SPAG16: variants seen among roughly 807,000 people sequenced by gnomAD.
SPAG16 encodes the protein sperm-associated antigen 16 protein.
A neutral mutation model predicts 80.4 loss-of-function variants in SPAG16; 86 were observed. The observed-to-expected ratio is 1.07, with a 90% CI of 0.90 to 1.28. The LOEUF (loss-of-function observed/expected upper bound fraction) is 1.28. Ranked by LOEUF, SPAG16 falls within the 50% of genes most tolerant of loss-of-function variation. The probability of loss-of-function intolerance (pLI) is 0.00; values close to 1 mark genes in which losing one functional copy is unlikely to be tolerated. For synonymous variants in SPAG16, 294 were observed against 265.9 expected (o/e 1.11, Z -1.03); for missense variants, 870 against 765.3 (o/e 1.14, Z -1.61).
chr2:214,239,662 G>T (rs1689327811), intron 15 of SPAG16: 1 of 151,994 alleles, frequency 6.6e-6, no homozygotes, highest in African/African-American at 2.4e-5. Context: ...TTACTTTATT[G>T]CTGTTCCCTG....
At chr2:213,754,905 T>C (rs996133827) in intron 10 of SPAG16, among the ~76,000 whole-genome samples, 2 of 152,240 alleles carry the variant, frequency 1.3e-5, no homozygotes, top group African/African-American at 4.8e-5. Context: ...GATATCATGC[T>C]GTTGGCACTT....
At chr2:214,285,885 T>A (rs768417124) in intron 15 of SPAG16, among the ~76,000 whole-genome samples, 12 of 152,196 alleles carry the variant, frequency 7.9e-5, no homozygotes, top group Non-Finnish European at 1.5e-4. Context: ...CCCACTTTCC[T>A]AGTTTTGCTT....
intron 15 of SPAG16, among the ~76,000 whole-genome samples, chr2:214,162,847 T>G (rs2056497243): frequency 6.6e-6 from 1 of 152,094 alleles, no homozygotes; most frequent in African/African-American, 2.4e-5. Context: ...CAAACTGTAT[T>G]TCAATCTGTT....
At chr2:213,995,146 A>T (rs1163990697) in intron 12 of SPAG16, among the ~76,000 whole-genome samples, 1 of 152,212 alleles carries the variant, frequency 6.6e-6, no homozygotes, top group Admixed American at 6.5e-5. Context: ...CTAGTTGCTC[A>T]CCAAAGCCTG....
At chr2:214,241,902 A>G (rs1436754047) in intron 15 of SPAG16, among the ~76,000 whole-genome samples, 1 of 149,222 alleles carries the variant, frequency 6.7e-6, no homozygotes, top group African/African-American at 2.5e-5. Context: ...AAAAAAAAAA[A>G]TTCTGATGGT....
At chr2:214,159,214 T>G (rs2056340965) in intron 15 of SPAG16, among the ~76,000 whole-genome samples, 3 of 151,930 alleles carry the variant, frequency 2.0e-5, no homozygotes, top group Admixed American at 2.0e-4. Context: ...AGAAATAAAT[T>G]TATACAAAGA....
intron 15 of SPAG16, among the ~76,000 whole-genome samples, chr2:214,187,775 G>C (rs1406013205): frequency 6.6e-6 from 1 of 150,588 alleles, no homozygotes; most frequent in Non-Finnish European, 1.5e-5. Flanking sequence ...ACTCCATATC[G>C]CTTAACCTTT....
chr2:214,100,920 G>C (rs6756154), intron 13 of SPAG16, among the ~76,000 whole-genome samples: 50,950 of 151,850 alleles, frequency 0.34, 8,824 homozygotes, highest in African/African-American at 0.35. Flanking sequence ...AAAAATGAGT[G>C]AAGTGGACTC....
chr2:213,507,801 A>G (rs1170026346), intron 10 of SPAG16, among the ~76,000 whole-genome samples: 1 of 152,236 alleles, frequency 6.6e-6, no homozygotes, highest in Non-Finnish European at 1.5e-5. Context: ...CTGTCTTCTT[A>G]GGTGCTCACC....
intron 15 of SPAG16, among the ~76,000 whole-genome samples, chr2:214,189,214 G>A (rs2057580253): frequency 6.6e-6 from 1 of 151,980 alleles, no homozygotes; most frequent in African/African-American, 2.4e-5. Flanking sequence ...ATTTGCATCT[G>A]GCCACCAGGC....
intron 11 of SPAG16, among the ~76,000 whole-genome samples, chr2:213,869,061 G>A (rs1203283797): frequency 7.9e-5 from 12 of 151,468 alleles, no homozygotes; most frequent in Admixed American, 7.9e-4. Flanking sequence ...AGACCAGCCT[G>A]ACCAACATGG....
intron 9 of SPAG16, among the ~76,000 whole-genome samples, chr2:213,423,461 T>C (rs1039949429): frequency 2.6e-5 from 4 of 152,196 alleles, no homozygotes; most frequent in African/African-American, 9.7e-5. Flanking sequence ...TGTACTCAGA[T>C]GCTAGGTTGG....
intron 10 of SPAG16, among the ~76,000 whole-genome samples, chr2:213,527,661 G>A (rs1017461954): frequency 2.6e-5 from 4 of 151,850 alleles, no homozygotes; most frequent in East Asian, 1.9e-4. Flanking sequence ...AAGAAATTGC[G>A]AAAAACAAAA....
At chr2:213,745,205 T>G (rs1161285665) in intron 10 of SPAG16, among the ~76,000 whole-genome samples, 2 of 152,210 alleles carry the variant, frequency 1.3e-5, no homozygotes, top group Non-Finnish European at 2.9e-5. Flanking sequence ...ATTAATTTGA[T>G]CTATTTCTGA....
chr2:214,148,065 G>A (rs2055750817), intron 14 of SPAG16, among the ~76,000 whole-genome samples: 1 of 152,080 alleles, frequency 6.6e-6, no homozygotes, highest in African/African-American at 2.4e-5. Flanking sequence ...GCAGCTGAAA[G>A]GGAAACTGTA....
chr2:213,548,244 C>T (rs992259014), intron 10 of SPAG16, among the ~76,000 whole-genome samples: 2 of 151,960 alleles, frequency 1.3e-5, no homozygotes, highest in African/African-American at 2.4e-5. Flanking sequence ...GACGGAGTTT[C>T]GCTCTGTCGC....
chr2:214,249,351 T>C (rs957173857), intron 15 of SPAG16, among the ~76,000 whole-genome samples: 4 of 151,774 alleles, frequency 2.6e-5, no homozygotes, highest in Non-Finnish European at 5.9e-5. Context: ...AGTAAAGACA[T>C]TTTTCAGCAT....
chr2:214,327,532 G>C (rs1419889590), intron 15 of SPAG16, among the ~76,000 whole-genome samples: 1 of 152,224 alleles, frequency 6.6e-6, no homozygotes, highest in Non-Finnish European at 1.5e-5. Context: ...CATTTGTTGA[G>C]TGTATTTATT....
chr2:213,348,007 T>C (rs925405251), intron 6 of SPAG16, among the ~76,000 whole-genome samples: 1 of 152,102 alleles, frequency 6.6e-6, no homozygotes, highest in Non-Finnish European at 1.5e-5. Flanking sequence ...CCCATTATGA[T>C]TGTGTGGGAG....
Sources: allele counts gnomAD v4.1 joint callset (sites outside exome capture counted in the v4.1 genomes callset), GRCh38; gene constraint gnomAD v4.1.1; transcripts MANE v1.5; gene names NCBI Gene and HGNC (gene_info 2026-07-23, HGNC 2026-07-21).